Variants in STPG2 observed in about 807,000 individuals in gnomAD.
STPG2 encodes sperm tail PG-rich repeat containing 2, also known as sperm-tail PG-rich repeat-containing protein 2.
STPG2 carries 56 observed loss-of-function variants against 54.2 expected under a neutral mutation model. The ratio of observed to expected loss-of-function variants is 1.03; its 90% confidence interval spans 0.83 to 1.29. The LOEUF is 1.29. Among genes scored for constraint, STPG2 ranks in the 50% most tolerant of loss-of-function variants. The probability of loss-of-function intolerance (pLI) is 0.00; values close to 1 mark genes in which losing one functional copy is unlikely to be tolerated. For synonymous variants in STPG2, 200 were observed against 181.8 expected (o/e 1.10, Z -0.81); for missense variants, 596 against 544.9 (o/e 1.09, Z -0.93).
At chr4:98,086,531 T>A (rs1738519192) in intron 5 of STPG2, among the ~76,000 whole-genome samples, 1 of 151,854 alleles carries the variant, frequency 6.6e-6, no homozygotes, top group Non-Finnish European at 1.5e-5. Context: ...TAAAAGAAAA[T>A]CATTAAATAT....
intron 4 of STPG2, among the ~76,000 whole-genome samples, chr4:97,533,605 A>G (rs1186859660): frequency 2.0e-5 from 3 of 152,120 alleles, no homozygotes; most frequent in African/African-American, 7.2e-5. Flanking sequence ...AGGTATAGGA[A>G]ATTTCTGATA....
intron 8 of STPG2, among the ~76,000 whole-genome samples, chr4:97,929,397 T>A (rs1352718617): frequency 6.6e-6 from 1 of 152,232 alleles, no homozygotes; most frequent in African/African-American, 2.4e-5. Flanking sequence ...TACCCAGTAA[T>A]AAGATTGCTG....
At chr4:97,464,387 A>C (rs1321450228) in intron 4 of STPG2, among the ~76,000 whole-genome samples, 1 of 152,148 alleles carries the variant, frequency 6.6e-6, no homozygotes, top group Non-Finnish European at 1.5e-5. Context: ...GCCACTGTTC[A>C]TTCTGGAATT....
intron 10 of STPG2, among the ~76,000 whole-genome samples, chr4:97,664,622 A>C (rs576645692): frequency 1.3e-5 from 2 of 152,256 alleles, no homozygotes; most frequent in East Asian, 3.9e-4. Context: ...CATTTTTAAG[A>C]AGTTTCCTTG....
chr4:97,646,780 T>G (rs554083333), intron 10 of STPG2, among the ~76,000 whole-genome samples: 2 of 152,296 alleles, frequency 1.3e-5, no homozygotes, highest in African/African-American at 4.8e-5. Flanking sequence ...TTGTTAATTT[T>G]TATAAACATT....
At chr4:97,951,237 TAAA>T (rs1224511255) in intron 7 of STPG2, among the ~76,000 whole-genome samples, 8 of 152,134 alleles carry the variant, frequency 5.3e-5, no homozygotes, top group Non-Finnish European at 1.2e-4. Context: ...TGAGTAATAA[TAAA>T]ACTCTGGTCT....
At chr4:97,930,172 C>A (rs1195598142) in intron 8 of STPG2, among the ~76,000 whole-genome samples, 1 of 152,166 alleles carries the variant, frequency 6.6e-6, no homozygotes. Flanking sequence ...GCTGGGATTA[C>A]AGGCATGAGC....
At position 98,080,456 on chromosome 4, in the gene STPG2, C is replaced by T. The variant is rs190561850; in HGVS notation, c.612+25497G>A. 1.6e-3 allele frequency among the ~76,000 whole-genome samples: 247 copies of T among 152,216 alleles called. 1 individual carries two copies. The highest frequency in any genetic ancestry group is 3.4e-3 in the Middle Eastern group (1 of 294). ...TGTTGCTTCAGTCACAAATGGACCA[C>T]TTATTCTTACAGCAAATCAGTTTAC... On this transcript the variant is annotated intron_variant, in intron 5 of 10. Coordinates refer to ENST00000295268, the MANE Select transcript of STPG2 (RefSeq NM_174952.3).
chr4:97,449,006 T>G (rs1729299538), intron 4 of STPG2, among the ~76,000 whole-genome samples: 1 of 152,102 alleles, frequency 6.6e-6, no homozygotes, highest in Non-Finnish European at 1.5e-5. Flanking sequence ...CCAATGCCAT[T>G]TATTGATATC....
intron 5 of STPG2, among the ~76,000 whole-genome samples, chr4:98,030,893 G>A (rs1456561286): frequency 1.3e-5 from 2 of 152,080 alleles, no homozygotes; most frequent in Non-Finnish European, 1.5e-5. Context: ...ACTCAAGATA[G>A]ATTAAAGACT....
At chr4:98,054,139 G>A (rs1737412351) in intron 5 of STPG2, among the ~76,000 whole-genome samples, 1 of 151,962 alleles carries the variant, frequency 6.6e-6, no homozygotes, top group African/African-American at 2.4e-5. Flanking sequence ...GAGAAAAACA[G>A]CTTAGGTCAT....
intron 5 of STPG2, among the ~76,000 whole-genome samples, chr4:98,064,170 GTT>G (rs1313562764): frequency 6.6e-6 from 1 of 152,132 alleles, no homozygotes; most frequent in Non-Finnish European, 1.5e-5. Context: ...AGATGTAAAA[GTT>G]AAATTATAAA....
chr4:97,774,160 T>C (rs1726302336), intron 9 of STPG2, among the ~76,000 whole-genome samples: 2 of 152,214 alleles, frequency 1.3e-5, no homozygotes, highest in Non-Finnish European at 2.9e-5. Context: ...GTAGCAGTCC[T>C]CAAGATTTGT....
Position 98,134,372 on chromosome 4 carries a change from C to A in STPG2, c.197G>T (p.Gly66Val). ...SSIEKAVPGP[G>V]HYNVSEAQKI... ...CTGTGCTTCTGAAACATTATAGTGTCCTGGACCTGGAACAGCTTTCTCAAT... is the reference window on the plus strand; with the variant it reads ...CTGTGCTTCTGAAACATTATAGTGTACTGGACCTGGAACAGCTTTCTCAAT... Residue 66 changes from glycine to valine, a missense_variant, in exon 2 of 11, where the codon GGA becomes GTA. Coordinates refer to ENST00000295268, the MANE Select transcript of STPG2 (RefSeq NM_174952.3). 3.2e-6 allele frequency: 5 copies of A among 1,578,056 alleles called. No individual in the cohort carries two copies. Among genetic ancestry groups the A allele is most frequent in the Non-Finnish European group, 4.3e-6 (5 of 1,159,630 alleles).
intron 5 of STPG2, among the ~76,000 whole-genome samples, chr4:98,004,970 T>TAAA (rs70953102): frequency 0.065 from 9,262 of 142,354 alleles, 312 homozygotes; most frequent in Middle Eastern, 0.094. Flanking sequence ...TCTTTGCTGT[T>TAAA]AAAAAAAAAA....
At chr4:97,480,160 T>G (rs1471319595) in intron 4 of STPG2, among the ~76,000 whole-genome samples, 1 of 151,416 alleles carries the variant, frequency 6.6e-6, no homozygotes, top group Non-Finnish European at 1.5e-5. Context: ...TAAGGGAAAA[T>G]TATGCAAAGT....
At chr4:97,461,131 A>G (rs1729650938) in intron 4 of STPG2, among the ~76,000 whole-genome samples, 1 of 152,174 alleles carries the variant, frequency 6.6e-6, no homozygotes, top group South Asian at 2.1e-4. Flanking sequence ...TATATACCCA[A>G]AAGAGTAACT....
chr4:98,042,017 T>C (rs112501840), intron 5 of STPG2, among the ~76,000 whole-genome samples: 1,772 of 152,112 alleles, frequency 0.012, 29 homozygotes, highest in African/African-American at 0.041. Context: ...CACTACTTGT[T>C]ATTGCTCTGT....
At chr4:97,799,506 T>G (rs143448460) in intron 9 of STPG2, among the ~76,000 whole-genome samples, 331 of 152,350 alleles carry the variant, frequency 2.2e-3, no homozygotes, top group Middle Eastern at 6.8e-3. Context: ...TGTTGAATAT[T>G]GGCCCCCACT....
Sources: gnomAD v4.1 joint callset for allele counts (sites outside exome capture counted in the v4.1 genomes callset) on GRCh38, gnomAD v4.1.1 for gene constraint, MANE v1.5 for transcripts, NCBI Gene and HGNC (gene_info 2026-07-23, HGNC 2026-07-21) for gene names.